The following PLXDC2 variants were observed in gnomAD, a reference collection of about 807,000 sequenced individuals.
The protein encoded by PLXDC2 is plexin domain containing 2, also known as plexin domain-containing protein 2.
PLXDC2 carries 40 observed loss-of-function variants against 68.9 expected under a neutral mutation model. That is an observed-to-expected ratio of 0.58 (90% CI 0.45 to 0.76). The LOEUF is 0.76. PLXDC2 is among the 30% of genes least tolerant of loss of function. The probability of loss-of-function intolerance (pLI) is 0.00; values close to 1 mark genes in which losing one functional copy is unlikely to be tolerated. For synonymous variants in PLXDC2, 243 were observed against 234.2 expected (o/e 1.04, Z -0.34); for missense variants, 644 against 661.9 (o/e 0.97, Z 0.30).
chr10:20,199,386 T>A (rs1834887457), intron 9 of PLXDC2, among the ~76,000 whole-genome samples: 1 of 151,966 alleles, frequency 6.6e-6, no homozygotes, highest in African/African-American at 2.4e-5. Context: ...TTATGTAGCA[T>A]AATTCTGTAA....
chr10:20,235,179 C>T (rs1835417332), intron 12 of PLXDC2, among the ~76,000 whole-genome samples: 1 of 152,094 alleles, frequency 6.6e-6, no homozygotes, highest in South Asian at 2.1e-4. Flanking sequence ...TTGGCGTTTC[C>T]GCTTGAAAAA....
At chr10:20,230,586 C>T (rs57885890) in intron 12 of PLXDC2, among the ~76,000 whole-genome samples, 2 of 149,412 alleles carry the variant, frequency 1.3e-5, no homozygotes, top group Non-Finnish European at 3.0e-5. Context: ...GTGGGAGGAT[C>T]TCCTGAGCCC....
intron 1 of PLXDC2, among the ~76,000 whole-genome samples, chr10:19,820,255 T>A (rs1358992079): frequency 6.6e-6 from 1 of 152,230 alleles, no homozygotes; most frequent in African/African-American, 2.4e-5. Flanking sequence ...TGTATTTGAA[T>A]AAAACTTAAT....
intron 4 of PLXDC2, among the ~76,000 whole-genome samples, chr10:20,128,140 C>A (rs977697253): frequency 1.3e-5 from 2 of 152,140 alleles, no homozygotes; most frequent in Non-Finnish European, 2.9e-5. Flanking sequence ...TCAAGACAGA[C>A]GCTTTGCAAA....
chr10:20,084,324 T>A (rs1378457079), intron 4 of PLXDC2, among the ~76,000 whole-genome samples: 7 of 152,154 alleles, frequency 4.6e-5, no homozygotes, highest in African/African-American at 1.4e-4. Context: ...GATACTTAAA[T>A]TCACTTAAGT....
chr10:20,190,964 G>T lies in PLXDC2; in HGVS notation c.1061+13555G>T, dbSNP rs1234947637. Among the ~76,000 whole-genome samples the T allele has an allele frequency of 2.6e-5, 4 of 151,980 alleles. 1 individual carries two copies. In the East Asian group the frequency reaches 5.8e-4, roughly 22 times the overall value. On this transcript the variant is annotated intron_variant, in intron 9 of 13. Coordinates refer to ENST00000377252, the MANE Select transcript of PLXDC2 (RefSeq NM_032812.9). The stretch of plus-strand genomic sequence containing the variant: ...TTGATTGTGTTTTCTGAAGCCCAAA[G>T]CATTTATTTTCTGTCCAGTTCTGAG...
At chr10:19,832,310 G>A (rs1486196766) in intron 1 of PLXDC2, among the ~76,000 whole-genome samples, 1 of 152,148 alleles carries the variant, frequency 6.6e-6, no homozygotes, top group African/African-American at 2.4e-5. Context: ...TAAATGCATT[G>A]ACTCATTTAT....
intron 1 of PLXDC2, among the ~76,000 whole-genome samples, chr10:19,901,811 T>G (rs1230411716): frequency 6.6e-6 from 1 of 152,216 alleles, no homozygotes; most frequent in Non-Finnish European, 1.5e-5. Context: ...GTTTCACGTC[T>G]TAGATTTAAG....
intron 1 of PLXDC2, among the ~76,000 whole-genome samples, chr10:19,987,871 GTTAT>G (rs1177174171): frequency 5.9e-5 from 9 of 152,034 alleles, no homozygotes; most frequent in Non-Finnish European, 1.3e-4. Flanking sequence ...CCCAGCCGAT[GTTAT>G]TTGTTTTTAT....
At chr10:19,855,716 A>C (rs539853746) in intron 1 of PLXDC2, among the ~76,000 whole-genome samples, 1 of 152,292 alleles carries the variant, frequency 6.6e-6, no homozygotes, top group East Asian at 1.9e-4. Context: ...TCAAATTTGG[A>C]ATGCTCAATC....
intron 4 of PLXDC2, among the ~76,000 whole-genome samples, chr10:20,104,690 G>T (rs539117921): frequency 3.6e-4 from 55 of 152,086 alleles, no homozygotes; most frequent in African/African-American, 1.3e-3. Context: ...TTGTTAAATG[G>T]GGGGAGAAAA....
At chr10:20,094,546 T>A (rs1166812833) in intron 4 of PLXDC2, among the ~76,000 whole-genome samples, 2 of 85,276 alleles carry the variant, frequency 2.3e-5, no homozygotes, top group Non-Finnish European at 4.1e-5. Flanking sequence ...ACTGAGTTTG[T>A]TTTTCATTAT....
rs375490892 is a variant in PLXDC2, at chr10:20,183,862, G to A, written c.1061+6453G>A. Reference sequence around the variant, plus strand: ...AATTGGAGCATGGCATAAGATATTCGCAGTGAGGCATGTTGAACACTTAAC... The same window carrying A: ...AATTGGAGCATGGCATAAGATATTCACAGTGAGGCATGTTGAACACTTAAC... On this transcript the variant is annotated intron_variant, in intron 9 of 13. Transcript: ENST00000377252. Among the ~76,000 whole-genome samples, 19 of 152,032 alleles carry A rather than the reference G, an allele frequency of 1.2e-4. 2 individuals carry two copies. In the South Asian group the frequency reaches 2.3e-3, roughly 18 times the overall value.
intron 1 of PLXDC2, among the ~76,000 whole-genome samples, chr10:19,927,344 A>G (rs1564630820): frequency 6.6e-6 from 1 of 152,084 alleles, no homozygotes; most frequent in South Asian, 2.1e-4. Flanking sequence ...ACTCTGAAGG[A>G]TAAGATTATT....
chr10:19,880,091 CT>C (rs1564617439), intron 1 of PLXDC2, among the ~76,000 whole-genome samples: 1 of 152,110 alleles, frequency 6.6e-6, no homozygotes, highest in Non-Finnish European at 1.5e-5. Flanking sequence ...ATAATCAGTC[CT>C]TTAATGCTTG....
intron 2 of PLXDC2, among the ~76,000 whole-genome samples, chr10:20,024,745 G>A (rs2131661787): frequency 6.6e-6 from 1 of 152,106 alleles, no homozygotes; most frequent in Non-Finnish European, 1.5e-5. Flanking sequence ...GTGGTCCCCA[G>A]TATCTATTTT....
At chr10:20,163,217 T>C (rs1188198503) in intron 6 of PLXDC2, among the ~76,000 whole-genome samples, 1 of 152,142 alleles carries the variant, frequency 6.6e-6, no homozygotes, top group Non-Finnish European at 1.5e-5. Context: ...TTAACGTTGT[T>C]TAAGAGAGAC....
intron 1 of PLXDC2, among the ~76,000 whole-genome samples, chr10:19,827,750 G>T (rs1024767731): frequency 1.3e-5 from 2 of 151,838 alleles, no homozygotes; most frequent in Non-Finnish European, 2.9e-5. Context: ...GTAGAGATGG[G>T]GTTTCACCAT....
intron 1 of PLXDC2, among the ~76,000 whole-genome samples, chr10:19,920,732 A>G (rs1833447063): frequency 1.3e-5 from 2 of 151,724 alleles, no homozygotes; most frequent in South Asian, 4.2e-4. Flanking sequence ...TAATTTTTGT[A>G]TTTTTTGTAG....
Sources: gnomAD v4.1 joint callset for allele counts (sites outside exome capture counted in the v4.1 genomes callset) on GRCh38, gnomAD v4.1.1 for gene constraint, MANE v1.5 for transcripts, NCBI Gene and HGNC (gene_info 2026-07-23, HGNC 2026-07-21) for gene names.